Variants in RNF220 observed in about 807,000 individuals in gnomAD.
RNF220 encodes the protein E3 ubiquitin-protein ligase RNF220.
RNF220 carries 7 observed loss-of-function variants against 67.1 expected under a neutral mutation model. That is an observed-to-expected ratio of 0.10 (90% CI 0.06 to 0.20). The LOEUF is 0.20. Ranked by LOEUF, RNF220 falls within the 10% of genes least tolerant of loss-of-function variation. RNF220 has a pLI of 1.00. For missense variants in RNF220, 565 were observed against 740.3 expected (o/e 0.76, Z 2.75); for synonymous variants, 270 against 283.2 (o/e 0.95, Z 0.47).
At chr1:44,470,504 G>A (rs1041940278) in intron 2 of RNF220, among the ~76,000 whole-genome samples, 7 of 152,248 alleles carry the variant, frequency 4.6e-5, no homozygotes, top group Admixed American at 2.6e-4. Context: ...CCCCTTCTTC[G>A]AGACCCTTGC....
chr1:44,478,139 C>A (rs1655455334), intron 2 of RNF220, among the ~76,000 whole-genome samples: 1 of 152,068 alleles, frequency 6.6e-6, no homozygotes, highest in South Asian at 2.1e-4. Flanking sequence ...ACCACCACAC[C>A]CGGCTAATTT....
At chr1:44,413,550 A>G (rs557135544) in intron 2 of RNF220, among the ~76,000 whole-genome samples, 3 of 152,328 alleles carry the variant, frequency 2.0e-5, no homozygotes, top group Admixed American at 6.5e-5. Context: ...GAACCCTGCA[A>G]TCTTTTGCTC....
At chr1:44,599,023 T>A (rs987510492) in intron 2 of RNF220, among the ~76,000 whole-genome samples, 1 of 151,912 alleles carries the variant, frequency 6.6e-6, no homozygotes. Context: ...ACTTAGTCCC[T>A]GAATCATTTA....
chr1:44,542,403 G>A lies in RNF220; in HGVS notation c.626-71762G>A, dbSNP rs76453206. Among the ~76,000 whole-genome samples, 1,039 of 152,310 alleles carry A rather than the reference G, an allele frequency of 6.8e-3. 14 individuals carry two copies. The highest frequency in any genetic ancestry group is 0.024 in the African/African-American group (999 of 41,574). On this transcript the variant is annotated intron_variant, in intron 2 of 14. Coordinates refer to ENST00000361799, the MANE Select transcript of RNF220 (RefSeq NM_018150.4). ...AGTGACTAGCCTTGGAAAATGCCCT[G>A]CCCATGCCCCTGTACTTTAGGATGT...
intron 2 of RNF220, among the ~76,000 whole-genome samples, chr1:44,479,117 A>AT (rs556142473): frequency 0.055 from 7,441 of 135,918 alleles, 198 homozygotes; most frequent in Middle Eastern, 0.063. Context: ...AACTTTGTGG[A>AT]TTTTTTTTTT....
At chr1:44,429,717 G>A (rs1650157779) in intron 2 of RNF220, among the ~76,000 whole-genome samples, 1 of 152,216 alleles carries the variant, frequency 6.6e-6, no homozygotes, top group East Asian at 1.9e-4. Flanking sequence ...ATGGCCTACA[G>A]TTGTTGATGA....
chr1:44,474,880 G>GTATACACTT (rs1655153244), intron 2 of RNF220, among the ~76,000 whole-genome samples: 2 of 152,108 alleles, frequency 1.3e-5, no homozygotes, highest in Non-Finnish European at 1.5e-5. Flanking sequence ...CTTATATAAG[G>GTATACACTT]GAATTGAGCA....
At chr1:44,507,024 G>T (rs1658492457) in intron 2 of RNF220, among the ~76,000 whole-genome samples, 1 of 152,074 alleles carries the variant, frequency 6.6e-6, no homozygotes, top group African/African-American at 2.4e-5. Context: ...GGGCAGCTGG[G>T]GTGGTACAAT....
chr1:44,518,656 C>G (rs897534679), intron 2 of RNF220, among the ~76,000 whole-genome samples: 1 of 152,126 alleles, frequency 6.6e-6, no homozygotes, highest in Non-Finnish European at 1.5e-5. Flanking sequence ...GCAGGCAGAT[C>G]ACGAGGTCAG....
intron 2 of RNF220, among the ~76,000 whole-genome samples, chr1:44,573,843 G>T (rs1009259312): frequency 3.9e-5 from 6 of 152,192 alleles, no homozygotes; most frequent in African/African-American, 1.4e-4. Context: ...GCTGGGCGTG[G>T]TGGCTCACCC....
At position 44,649,732 on chromosome 1, in the gene RNF220, T is replaced by C. The variant is rs1264436198; in HGVS notation, c.1517T>C (p.Leu506Pro). The C allele has an allele frequency of 6.2e-7, 1 of 1,614,014 alleles. No individual in the cohort carries two copies. Among genetic ancestry groups the C allele is most frequent in the South Asian group, 1.1e-5 (1 of 91,086 alleles). ...CGGGTCAGAGAACTTGAACGGCAGC[T>C]ATCTCGTGGGGACCGTTACAAATGC... is the stretch of plus-strand genomic sequence containing the variant. ...KARVRELERQ[L>P]SRGDRYKCLI... The change falls in exon 13 of 15, where the codon CTA (leucine) becomes CCA (proline). Residue 506 changes from leucine (L) to proline (P), a missense_variant. Coordinates refer to ENST00000361799, the MANE Select transcript of RNF220 (RefSeq NM_018150.4). This position sits in a 1 kb window ranked among gnomAD's most constrained non-coding sequence, Gnocchi z 5.9.
intron 2 of RNF220, among the ~76,000 whole-genome samples, chr1:44,603,459 C>G (rs1384192126): frequency 6.6e-6 from 1 of 152,246 alleles, no homozygotes; most frequent in East Asian, 1.9e-4. Context: ...TTTGCCTGCC[C>G]AAGTCTGGGC....
intron 2 of RNF220, among the ~76,000 whole-genome samples, chr1:44,543,513 C>A (rs1661851130): frequency 6.6e-6 from 1 of 151,872 alleles, no homozygotes; most frequent in South Asian, 2.1e-4. Context: ...TCTTTGGGGA[C>A]TGATCCTTAC....
At chr1:44,585,469 C>T (rs558533992) in intron 2 of RNF220, among the ~76,000 whole-genome samples, 4 of 152,358 alleles carry the variant, frequency 2.6e-5, no homozygotes, top group East Asian at 3.9e-4. Context: ...CCATTCACTC[C>T]GTTAACCATG....
intron 2 of RNF220, among the ~76,000 whole-genome samples, chr1:44,493,893 A>G (rs1299001438): frequency 2.0e-5 from 3 of 152,148 alleles, no homozygotes; most frequent in Non-Finnish European, 4.4e-5. Context: ...TTATATGTCA[A>G]TAAAGGTATC....
intron 2 of RNF220, among the ~76,000 whole-genome samples, chr1:44,414,851 G>A (rs1464017242): frequency 6.8e-6 from 1 of 147,218 alleles, no homozygotes; most frequent in Non-Finnish European, 1.5e-5. Context: ...TTTTTTTCTT[G>A]TACACAAGCA....
intron 2 of RNF220, among the ~76,000 whole-genome samples, chr1:44,543,196 C>T (rs1661815803): frequency 6.6e-6 from 1 of 152,152 alleles, no homozygotes; most frequent in African/African-American, 2.4e-5. Context: ...CAGAGACCTC[C>T]CCGTCAGACC....
intron 2 of RNF220, among the ~76,000 whole-genome samples, chr1:44,519,823 A>G (rs983897988): frequency 6.6e-6 from 1 of 152,168 alleles, no homozygotes; most frequent in Non-Finnish European, 1.5e-5. Flanking sequence ...GGTTGAAATT[A>G]TAACCTTGGA....
chr1:44,472,217 C>T (rs960927686), intron 2 of RNF220, among the ~76,000 whole-genome samples: 1 of 152,190 alleles, frequency 6.6e-6, no homozygotes, highest in Non-Finnish European at 1.5e-5. Flanking sequence ...GTTTTCAGTT[C>T]TCTTGGGTAT....
Sources: gnomAD v4.1 joint callset for allele counts (sites outside exome capture counted in the v4.1 genomes callset) on GRCh38, gnomAD v4.1.1 for gene constraint, Gnocchi (gnomAD v3.1) non-coding constraint, MANE v1.5 for transcripts, NCBI Gene and HGNC (gene_info 2026-07-23, HGNC 2026-07-21) for gene names.